LRRTM4: variants seen among roughly 807,000 people sequenced by gnomAD.
LRRTM4 encodes leucine-rich repeat transmembrane neuronal protein 4.
LRRTM4 carries 25 observed loss-of-function variants against 47.6 expected under a neutral mutation model. That is an observed-to-expected ratio of 0.53 (90% CI 0.38 to 0.73). The LOEUF (loss-of-function observed/expected upper bound fraction) is 0.73. Among genes scored for constraint, LRRTM4 ranks in the 30% least tolerant of loss-of-function variants. The pLI is 0.00. For synonymous variants in LRRTM4, 311 were observed against 269.5 expected (o/e 1.15, Z -1.51); for missense variants, 638 against 713.4 (o/e 0.89, Z 1.20).
intron 3 of LRRTM4, among the ~76,000 whole-genome samples, chr2:76,759,509 C>G (rs1457191801): frequency 6.6e-6 from 1 of 152,126 alleles, no homozygotes; most frequent in East Asian, 1.9e-4. Context: ...GCCAGCAAAC[C>G]TGCCCCTGGG....
chr2:76,883,363 G>A (rs1672984152), intron 3 of LRRTM4, among the ~76,000 whole-genome samples: 1 of 152,126 alleles, frequency 6.6e-6, no homozygotes, highest in Non-Finnish European at 1.5e-5. Flanking sequence ...CCCAATTAAT[G>A]TTTATTGAAC....
At chr2:76,974,187 CATAT>C (rs577436565) in intron 3 of LRRTM4, among the ~76,000 whole-genome samples, 2 of 107,716 alleles carry the variant, frequency 1.9e-5, no homozygotes, top group Middle Eastern at 5.2e-3. Context: ...TATATACATA[CATAT>C]ATATACATAT....
At chr2:76,827,937 A>T (rs1338247972) in intron 3 of LRRTM4, among the ~76,000 whole-genome samples, 1 of 151,886 alleles carries the variant, frequency 6.6e-6, no homozygotes, top group Non-Finnish European at 1.5e-5. Context: ...ACAATAGATG[A>T]AATGAAATAA....
intron 3 of LRRTM4, among the ~76,000 whole-genome samples, chr2:76,945,138 T>C (rs1303914878): frequency 3.9e-5 from 6 of 152,100 alleles, no homozygotes; most frequent in Admixed American, 6.5e-5. Context: ...AATATAAGTA[T>C]GTAAAGGGAA....
rs574433693 is a variant in LRRTM4 at position 77,493,897 on chromosome 2, G to C, written c.1551+24421C>G. ...GAAAAAAATACTGGCTTTCTTTACA[G>C]ACATTGACACAAAATACTTAATATT... On this transcript the variant is annotated intron_variant, in intron 3 of 3. Coordinates refer to ENST00000409884, the MANE Select transcript of LRRTM4 (RefSeq NM_001134745.3). Among the ~76,000 whole-genome samples the C allele has an allele frequency of 3.3e-5, 5 of 152,140 alleles. No homozygotes were observed. In the South Asian group the frequency reaches 1.0e-3, roughly 32 times the overall value.
At chr2:77,031,553 C>A (rs533273524) in intron 3 of LRRTM4, among the ~76,000 whole-genome samples, 1 of 152,012 alleles carries the variant, frequency 6.6e-6, no homozygotes, top group African/African-American at 2.4e-5. Flanking sequence ...ATGGGTTACT[C>A]GGGGAGTGAG....
chr2:77,025,606 T>G (rs1400347625), intron 3 of LRRTM4, among the ~76,000 whole-genome samples: 1 of 152,184 alleles, frequency 6.6e-6, no homozygotes, highest in African/African-American at 2.4e-5. Context: ...TATTCTGTTT[T>G]TCCTCTCAGT....
In LRRTM4 at chr2:77,493,264, G is replaced by A. The variant is rs554322291; in HGVS notation, c.1551+25054C>T. 3.3e-5 allele frequency among the ~76,000 whole-genome samples: 5 copies of A among 152,066 alleles called. No individual in the cohort carries two copies. In the South Asian group the frequency reaches 1.0e-3, roughly 32 times the overall value. On this transcript the variant is annotated intron_variant, in intron 3 of 3. Coordinates refer to ENST00000409884, the MANE Select transcript of LRRTM4 (RefSeq NM_001134745.3). ...TAAATGACATAATAATATATATTTA[G>A]GGAAGGATACAAATTAATAAATGTC...
At chr2:76,909,880 A>G (rs1330698938) in intron 3 of LRRTM4, among the ~76,000 whole-genome samples, 1 of 152,210 alleles carries the variant, frequency 6.6e-6, no homozygotes, top group African/African-American at 2.4e-5. Context: ...AAATAGGAAC[A>G]CTTTCACATT....
intron 3 of LRRTM4, among the ~76,000 whole-genome samples, chr2:77,277,142 C>A (rs1166594530): frequency 1.3e-5 from 2 of 152,000 alleles, no homozygotes; most frequent in African/African-American, 2.4e-5. Context: ...TAATGTGCCA[C>A]ATACCTCGTT....
At chr2:76,822,317 T>C (rs984767533) in intron 3 of LRRTM4, among the ~76,000 whole-genome samples, 2 of 150,990 alleles carry the variant, frequency 1.3e-5, no homozygotes, top group African/African-American at 4.9e-5. Flanking sequence ...GATATTATAA[T>C]AAAGGAAGAT....
At chr2:76,901,646 A>C (rs1485698583) in intron 3 of LRRTM4, among the ~76,000 whole-genome samples, 1 of 152,182 alleles carries the variant, frequency 6.6e-6, no homozygotes, top group Non-Finnish European at 1.5e-5. Flanking sequence ...GAAAGATATA[A>C]AAGCCCAGAA....
chr2:76,960,268 C>T (rs749830085), intron 3 of LRRTM4, among the ~76,000 whole-genome samples: 5 of 151,406 alleles, frequency 3.3e-5, no homozygotes, highest in South Asian at 2.1e-4. Flanking sequence ...AACAATGCTA[C>T]GAGAGAGATA....
At chr2:76,796,482 A>G (rs1318724669) in intron 3 of LRRTM4, among the ~76,000 whole-genome samples, 4 of 133,042 alleles carry the variant, frequency 3.0e-5, no homozygotes, top group Non-Finnish European at 4.8e-5. Context: ...GAATGGGCAG[A>G]CTGCCTCCTC....
intron 3 of LRRTM4, among the ~76,000 whole-genome samples, chr2:76,876,184 T>A (rs1672775107): frequency 6.6e-6 from 1 of 152,172 alleles, no homozygotes; most frequent in South Asian, 2.1e-4. Context: ...GAGCAACAAA[T>A]AAGATTTGGA....
intron 3 of LRRTM4, among the ~76,000 whole-genome samples, chr2:77,048,297 T>C (rs1372426267): frequency 1.3e-5 from 2 of 152,050 alleles, no homozygotes; most frequent in Non-Finnish European, 2.9e-5. Flanking sequence ...GAAATTGTTT[T>C]TATGCTAAAT....
chr2:77,516,886 A>T, intron 3 of LRRTM4: 2 of 984,922 alleles, frequency 2.0e-6, no homozygotes, highest in Middle Eastern at 5.2e-4. Flanking sequence ...TAGCATTTGT[A>T]GTTAGGACTA....
chr2:77,424,053 C>T (rs1675011851), intron 3 of LRRTM4, among the ~76,000 whole-genome samples: 1 of 151,620 alleles, frequency 6.6e-6, no homozygotes, highest in Admixed American at 6.6e-5. Flanking sequence ...TTTGTCATTA[C>T]CTAACTAGGT....
At chr2:77,066,171 G>C (rs1276150363) in intron 3 of LRRTM4, among the ~76,000 whole-genome samples, 1 of 152,160 alleles carries the variant, frequency 6.6e-6, no homozygotes, top group East Asian at 1.9e-4. Flanking sequence ...TACTGAGTTA[G>C]ATTGCTTATT....
Sources: gnomAD v4.1 joint callset for allele counts (sites outside exome capture counted in the v4.1 genomes callset) on GRCh38, gnomAD v4.1.1 for gene constraint, MANE v1.5 for transcripts, NCBI Gene and HGNC (gene_info 2026-07-23, HGNC 2026-07-21) for gene names.